CPQ: variants seen among roughly 807,000 people sequenced by gnomAD.
CPQ encodes carboxypeptidase Q, also known as Ser-Met dipeptidase.
In CPQ, 37 loss-of-function variants were observed where a neutral mutation model predicts 45.7. The ratio of observed to expected loss-of-function variants is 0.81; its 90% CI spans 0.62 to 1.07. CPQ has a LOEUF of 1.07. Ranked by LOEUF, CPQ falls within the 50% of genes least tolerant of loss-of-function variation. CPQ has a pLI of 0.00. For missense variants in CPQ, 537 were observed against 572.9 expected (o/e 0.94, Z 0.64); for synonymous variants, 186 against 205.8 (o/e 0.90, Z 0.82).
intron 4 of CPQ, among the ~76,000 whole-genome samples, chr8:96,926,024 G>A (rs775419411): frequency 1.1e-4 from 17 of 152,178 alleles, no homozygotes; most frequent in Admixed American, 6.5e-5. Flanking sequence ...TTATTACAAT[G>A]TGCAGCCAAG....
intron 4 of CPQ, among the ~76,000 whole-genome samples, chr8:96,892,288 T>G (rs375447074): frequency 6.6e-6 from 1 of 152,334 alleles, no homozygotes; most frequent in African/African-American, 2.4e-5. Flanking sequence ...CATACATAAC[T>G]GAATAGTTAG....
At chr8:96,896,599 A>G (rs570244600) in intron 4 of CPQ, among the ~76,000 whole-genome samples, 211 of 152,306 alleles carry the variant, frequency 1.4e-3, no homozygotes, top group Middle Eastern at 6.8e-3. Flanking sequence ...TGCTCATCAG[A>G]CAACATTCAA....
chr8:96,921,287 G>A (rs919463075), intron 4 of CPQ, among the ~76,000 whole-genome samples: 3 of 152,150 alleles, frequency 2.0e-5, no homozygotes, highest in African/African-American at 7.2e-5. Flanking sequence ...GCAACTGACA[G>A]GTTACCACTG....
At chr8:96,681,356 C>T (rs936795061) in intron 1 of CPQ, among the ~76,000 whole-genome samples, 2 of 152,186 alleles carry the variant, frequency 1.3e-5, no homozygotes, top group African/African-American at 4.8e-5. Context: ...GCAGCTCCAG[C>T]CATGGCTAAA....
At chr8:96,682,264 C>T (rs2464489) in intron 1 of CPQ, among the ~76,000 whole-genome samples, 111,202 of 152,010 alleles carry the variant, frequency 0.73, 41,072 homozygotes, top group Middle Eastern at 0.83. Flanking sequence ...AATTGAATCA[C>T]GAGAGTGGAT....
chr8:97,055,911 G>C lies in CPQ; in HGVS notation c.1054-10098G>C, dbSNP rs187078711. Among the ~76,000 whole-genome samples the C allele has an allele frequency of 3.0e-3, 456 of 152,192 alleles. 1 individual carries two copies. The highest frequency in any genetic ancestry group is 9.4e-3 in the African/African-American group (392 of 41,506). Reference sequence around the variant, plus strand: ...GCCCAAAAGTTCAAGACCAGCCTGGGCAACCTGGCGAGACTTTTCCTCTAT... The same window carrying C: ...GCCCAAAAGTTCAAGACCAGCCTGGCCAACCTGGCGAGACTTTTCCTCTAT... On this transcript the variant is annotated intron_variant, in intron 6 of 7. Transcript: ENST00000220763.
chr8:96,771,488 G>T (rs938145024), intron 1 of CPQ, among the ~76,000 whole-genome samples: 16 of 151,972 alleles, frequency 1.1e-4, no homozygotes, highest in Admixed American at 5.9e-4. Context: ...CTTTCTTTCT[G>T]TATTGCCCTC....
At chr8:96,749,293 T>C (rs1810229347) in intron 1 of CPQ, among the ~76,000 whole-genome samples, 1 of 152,218 alleles carries the variant, frequency 6.6e-6, no homozygotes, top group Non-Finnish European at 1.5e-5. Context: ...ATCTGGCTTT[T>C]CTCCACGCTC....
intron 7 of CPQ, among the ~76,000 whole-genome samples, chr8:97,100,532 T>C (rs1014757029): frequency 2.6e-5 from 4 of 152,206 alleles, no homozygotes; most frequent in African/African-American, 9.7e-5. Flanking sequence ...GATAAGGACT[T>C]AGACATCTAT....
intron 4 of CPQ, among the ~76,000 whole-genome samples, chr8:96,903,167 C>A (rs1241145362): frequency 4.6e-5 from 7 of 152,218 alleles, no homozygotes; most frequent in African/African-American, 1.7e-4. Context: ...CTTCAGTTGG[C>A]GTTGCTTGGC....
intron 4 of CPQ, among the ~76,000 whole-genome samples, chr8:96,948,238 A>T (rs563291848): frequency 5.9e-5 from 9 of 152,256 alleles, no homozygotes; most frequent in African/African-American, 2.2e-4. Context: ...GTGTTCAGTT[A>T]CAAGATGACA....
intron 5 of CPQ, among the ~76,000 whole-genome samples, chr8:97,008,444 A>G (rs2130435398): frequency 6.6e-6 from 1 of 152,300 alleles, no homozygotes; most frequent in Non-Finnish European, 1.5e-5. Flanking sequence ...CTCTTCTCTT[A>G]GACTGGGTTT....
chr8:97,079,809 C>T (rs1302403190), intron 7 of CPQ, among the ~76,000 whole-genome samples: 1 of 152,102 alleles, frequency 6.6e-6, no homozygotes, highest in Non-Finnish European at 1.5e-5. Context: ...AGATGAGCAA[C>T]ATTCTGTAGG....
intron 6 of CPQ, among the ~76,000 whole-genome samples, chr8:97,046,602 TTATGGATTCC>T (rs879403945): frequency 6.6e-5 from 10 of 152,352 alleles, no homozygotes; most frequent in Admixed American, 4.6e-4. Context: ...TAATTTGCTT[TTATGGATTCC>T]TATAGTTTCA....
chr8:96,814,485 C>T (rs1563503707), intron 2 of CPQ, among the ~76,000 whole-genome samples: 1 of 152,144 alleles, frequency 6.6e-6, no homozygotes, highest in Non-Finnish European at 1.5e-5. Flanking sequence ...TTGAAGAAAG[C>T]AATCTATTTG....
intron 7 of CPQ, among the ~76,000 whole-genome samples, chr8:97,135,278 G>GGTCCT (rs1174926631): frequency 6.6e-6 from 1 of 151,948 alleles, no homozygotes; most frequent in Admixed American, 6.6e-5. Flanking sequence ...TTTACTTTCT[G>GGTCCT]GTCCTGTCCT....
At chr8:96,763,753 G>T (rs1810434418) in intron 1 of CPQ, among the ~76,000 whole-genome samples, 1 of 152,096 alleles carries the variant, frequency 6.6e-6, no homozygotes, top group Non-Finnish European at 1.5e-5. Flanking sequence ...CACCAAAAAA[G>T]ATATGTGACT....
intron 4 of CPQ, among the ~76,000 whole-genome samples, chr8:96,883,734 T>C (rs1022476890): frequency 6.6e-6 from 1 of 152,122 alleles, no homozygotes. Flanking sequence ...TAAATGTCGC[T>C]TCTTCCATGA....
intron 2 of CPQ, among the ~76,000 whole-genome samples, chr8:96,813,209 T>C (rs1811181608): frequency 6.6e-6 from 1 of 152,124 alleles, no homozygotes; most frequent in African/African-American, 2.4e-5. Flanking sequence ...AGCTCAACCA[T>C]TCTTCTATGT....
Sources: gnomAD v4.1 joint callset for allele counts (sites outside exome capture counted in the v4.1 genomes callset) on GRCh38, gnomAD v4.1.1 for gene constraint, MANE v1.5 for transcripts, NCBI Gene and HGNC (gene_info 2026-07-23, HGNC 2026-07-21) for gene names.